FNBP1L: variants seen among roughly 807,000 people sequenced by gnomAD.
FNBP1L encodes the protein formin binding protein 1 like.
In FNBP1L, 36 loss-of-function variants were observed where a neutral mutation model predicts 91.2. The ratio of observed to expected loss-of-function variants is 0.39; its 90% CI spans 0.30 to 0.52. The LOEUF is 0.52. Among genes scored for constraint, FNBP1L ranks in the 20% least tolerant of loss-of-function variants. The probability of loss-of-function intolerance (pLI) is 0.66; values close to 1 mark genes in which losing one functional copy is unlikely to be tolerated. For synonymous variants in FNBP1L, 242 were observed against 237.0 expected, an observed-to-expected ratio of 1.02 and a Z score of -0.19; for missense variants, 571 against 732.1, an observed-to-expected ratio of 0.78 and a Z score of 2.54.
intron 10 of FNBP1L, among the ~76,000 whole-genome samples, chr1:93,538,076 T>C (rs1462166878): frequency 6.6e-6 from 1 of 152,062 alleles, no homozygotes; most frequent in Non-Finnish European, 1.5e-5. Flanking sequence ...TAATCATTTG[T>C]ATATCCTATA....
Position 93,529,830 on chromosome 1 carries a change from T to C in FNBP1L, c.510+74T>C, listed in dbSNP as rs2449377. ...ATAAGGAAAGTAGTCACGACATTTG[T>C]ATGACTACAGTATTAGGATTTACTT... On this transcript the variant is annotated intron_variant, in intron 6 of 16. Coordinates refer to ENST00000271234, the MANE Select transcript of FNBP1L (RefSeq NM_001164473.3). The C allele has an allele frequency of 0.011, 9,510 of 839,198 alleles. 491 individuals carry two copies. In the African/African-American group the frequency reaches 0.13, roughly 11 times the overall value. 52.0% of individuals were successfully genotyped at this position (839,198 alleles called of 1,614,324 possible).
chr1:93,472,851 C>G (rs1247211713), intron 1 of FNBP1L, among the ~76,000 whole-genome samples: 1 of 131,244 alleles, frequency 7.6e-6, no homozygotes, highest in Non-Finnish European at 1.6e-5. Context: ...AAAAAAAATC[C>G]TAACAGTTTG....
At chr1:93,547,113 GTGT>G (rs1672268040) in intron 13 of FNBP1L, 139 bp downstream of exon 13, 1 of 1,093,462 alleles carries the variant, frequency 9.1e-7, no homozygotes, top group African/African-American at 1.6e-5. Flanking sequence ...ATTGTGATGT[GTGT>G]TATTTAATCT....
At position 93,488,972 on chromosome 1, in the gene FNBP1L, A is replaced by C. The variant is rs535150292; in HGVS notation, c.25-10496A>C. Among the ~76,000 whole-genome samples the C allele has an allele frequency of 5.3e-5, 8 of 152,326 alleles. No individual in the cohort carries two copies. In the South Asian group the frequency reaches 1.4e-3, roughly 28 times the overall value. On this transcript the variant is annotated intron_variant, in intron 1 of 16. Transcript: ENST00000271234. The stretch of plus-strand genomic sequence containing the variant: ...ATGGTTAGGAGATGGTGTAAATTTA[A>C]AGGAAAAGAATAAGGTATGAGATAG...
intron 1 of FNBP1L, among the ~76,000 whole-genome samples, chr1:93,496,461 A>G (rs1670263743): frequency 6.6e-6 from 1 of 152,126 alleles, no homozygotes; most frequent in African/African-American, 2.4e-5. Flanking sequence ...GCTGAAGTGC[A>G]GTGATCACGG....
In FNBP1L at chr1:93,529,741, G is replaced by A. The variant is rs751294391; in HGVS notation, c.495G>A (p.Lys165=). Residue 165 remains lysine, a synonymous_variant, in exon 6 of 17, where the codon AAG becomes AAA. Transcript: ENST00000271234. ...TGGATAATGATACTAATGCAACCAA[G>A]GCAGATGTTGAAAAGGTAAGAAATA... ...ERLDNDTNAT[K]ADVEKAKQQL... is the part of the protein sequence containing the mutation. 5.9e-6 allele frequency: 9 copies of A among 1,514,892 alleles called. No homozygotes were observed. In the Middle Eastern group the frequency reaches 6.7e-4, roughly 113 times the overall value. The allele number at this position is 1,514,892 out of a possible 1,614,324, so 93.8% of individuals were successfully genotyped here. A position where few individuals can be genotyped will look rare whatever the true frequency, so the allele number is the denominator to read the frequency against.
At chr1:93,468,597 A>G (rs538780446) in intron 1 of FNBP1L, among the ~76,000 whole-genome samples, 2 of 152,086 alleles carry the variant, frequency 1.3e-5, no homozygotes, top group East Asian at 1.9e-4. Flanking sequence ...CGCCTGGCTA[A>G]TTTTTATATT....
rs372656799 is a variant in FNBP1L, at chr1:93,534,826, A to T, written c.908A>T (p.Lys303Ile). 1.3e-6 allele frequency: 2 copies of T among 1,578,044 alleles called. No individual in the cohort carries two copies. The highest frequency in any genetic ancestry group is 1.7e-6 in the Non-Finnish European group (2 of 1,160,518). ...TCTGATGGGACTATCAGTGCATCCA[A>T]ACAGGAGAGTGGGAAGATGGATGCC... ...TISDGTISASKQESGKMDAKT... is the reference protein window; with the variant it reads ...TISDGTISASIQESGKMDAKT... The change falls in exon 9 of 17, where the codon AAA becomes ATA. Residue 303 changes from lysine to isoleucine, a missense_variant. Around this residue, in one of 5 missense-constraint regions of FNBP1L, gnomAD observed 150 missense variants for 155.9 expected, o/e 0.96. Transcript: ENST00000271234.
At chr1:93,500,972 C>T (rs1670425596) in intron 2 of FNBP1L, among the ~76,000 whole-genome samples, 1 of 152,026 alleles carries the variant, frequency 6.6e-6, no homozygotes, top group Non-Finnish European at 1.5e-5. Context: ...TTTCATCTGT[C>T]CAAAAGTTAA....
intron 4 of FNBP1L, 31 bp from the exon 5 acceptor site, chr1:93,524,230 T>C: frequency 7.0e-7 from 1 of 1,434,998 alleles, no homozygotes; most frequent in Non-Finnish European, 9.2e-7. Flanking sequence ...TTTTTATTTT[T>C]ATTTTTTTTG....
chr1:93,456,081 T>C (rs1337137812), intron 1 of FNBP1L, among the ~76,000 whole-genome samples: 1 of 151,902 alleles, frequency 6.6e-6, no homozygotes, highest in African/African-American at 2.4e-5. Flanking sequence ...GCCTGGGCAA[T>C]ATAATGAGAC....
At chr1:93,545,643 A>C (rs1672196988) in intron 12 of FNBP1L, among the ~76,000 whole-genome samples, 2 of 152,148 alleles carry the variant, frequency 1.3e-5, no homozygotes, top group African/African-American at 4.8e-5. Flanking sequence ...ATAAAAGATA[A>C]TTGAAAACTG....
rs1221661988 is a variant in FNBP1L, at chr1:93,530,966, C to A, written c.639+83C>A. On this transcript the variant is annotated intron_variant, in intron 7 of 16. Transcript: ENST00000271234. Reference sequence around the variant, plus strand: ...ACTTGTAAGTCTTAGACATCAGAATCTTTCTAGATTCACTAGACATCAGGG... The same window carrying A: ...ACTTGTAAGTCTTAGACATCAGAATATTTCTAGATTCACTAGACATCAGGG... 5 of 1,127,516 alleles carry A rather than the reference C, an allele frequency of 4.4e-6. No individual in the cohort carries two copies. The East Asian group carries it at 1.1e-4, about 25-fold the overall frequency. 69.8% of individuals were successfully genotyped at this position (1,127,516 alleles called of 1,614,324 possible). A position where few individuals can be genotyped will look rare whatever the true frequency, so the allele number is the denominator to read the frequency against.
intron 16 of FNBP1L, 115 bp downstream of exon 16, chr1:93,551,220 G>T (rs1672405548): frequency 7.2e-7 from 1 of 1,386,228 alleles, no homozygotes; most frequent in Non-Finnish European, 9.4e-7. Flanking sequence ...GAAACTTAAA[G>T]GGCATCCAAG....
At chr1:93,535,287 G>A (rs1210763126) in intron 9 of FNBP1L, among the ~76,000 whole-genome samples, 1 of 152,036 alleles carries the variant, frequency 6.6e-6, no homozygotes, top group Non-Finnish European at 1.5e-5. Flanking sequence ...GTCAAGTTAG[G>A]TTTTATAGAT....
At chr1:93,551,836 A>G (rs1672426017) in intron 16 of FNBP1L, 10 of 985,422 alleles carry the variant, frequency 1.0e-5, no homozygotes, top group African/African-American at 1.7e-5. Flanking sequence ...GCTTCCTTCC[A>G]AACTAATCTC....
intron 1 of FNBP1L, among the ~76,000 whole-genome samples, chr1:93,479,156 C>T (rs538108026): frequency 3.9e-5 from 6 of 152,218 alleles, no homozygotes; most frequent in East Asian, 3.9e-4. Context: ...CATCACATAT[C>T]GGTAGGTCCA....
intron 1 of FNBP1L, among the ~76,000 whole-genome samples, chr1:93,494,093 T>C (rs1670187466): frequency 1.3e-5 from 2 of 152,212 alleles, no homozygotes; most frequent in Admixed American, 1.3e-4. Flanking sequence ...CCTGGACTTC[T>C]GGTACTTGAC....
chr1:93,524,670 G>A (rs1271215513), intron 5 of FNBP1L, among the ~76,000 whole-genome samples: 1 of 146,198 alleles, frequency 6.8e-6, no homozygotes, highest in Non-Finnish European at 1.5e-5. Context: ...ATATATCTTA[G>A]AAGACTATTT....
Sources: allele counts gnomAD v4.1 joint callset (sites outside exome capture counted in the v4.1 genomes callset), GRCh38; gene constraint gnomAD v4.1.1; regional missense constraint gnomAD v4.1.1; transcripts MANE v1.5; gene names NCBI Gene and HGNC (gene_info 2026-07-23, HGNC 2026-07-21).